DIP2C: variants seen among roughly 807,000 people sequenced by gnomAD.
The protein encoded by DIP2C is disco-interacting protein 2 homolog C.
A neutral mutation model predicts 192.4 loss-of-function variants in DIP2C; 33 were observed. The observed-to-expected ratio is 0.17, with a 90% CI of 0.13 to 0.23. DIP2C has a LOEUF of 0.23. Among genes scored for constraint, DIP2C ranks in the 10% least tolerant of loss-of-function variants. The pLI is 1.00. For missense variants in DIP2C, 1,537 were observed against 2,110.1 expected (o/e 0.73, Z 5.32); for synonymous variants, 979 against 864.1 (o/e 1.13, Z -2.33).
At chr10:395,700 C>T (rs1963934059) in intron 10 of DIP2C, among the ~76,000 whole-genome samples, 2 of 152,216 alleles carry the variant, frequency 1.3e-5, no homozygotes, top group Non-Finnish European at 2.9e-5. Flanking sequence ...ACAGGAATGT[C>T]AGCCCTTTCT....
intron 1 of DIP2C, among the ~76,000 whole-genome samples, chr10:604,193 T>A (rs906026114): frequency 9.9e-5 from 15 of 152,088 alleles, no homozygotes; most frequent in African/African-American, 3.6e-4. Flanking sequence ...CGCAGTCACA[T>A]CTCCAAAGCC....
chr10:546,072 A>C (rs985964903), intron 1 of DIP2C, among the ~76,000 whole-genome samples: 2 of 152,140 alleles, frequency 1.3e-5, no homozygotes, highest in Non-Finnish European at 2.9e-5. Context: ...ACTTGAAGTC[A>C]GGAGTTCCAG....
chr10:619,311 G>A (rs11253284), intron 1 of DIP2C, among the ~76,000 whole-genome samples: 6,991 of 152,258 alleles, frequency 0.046, 207 homozygotes, highest in East Asian at 0.13. Context: ...CTGGAAACTG[G>A]AATCCAAAAC....
chr10:423,022 C>T lies in DIP2C; in HGVS notation c.406G>A (p.Gly136Ser), dbSNP rs1436069863. 1.2e-6 allele frequency: 2 copies of T among 1,609,284 alleles called. No homozygotes were observed. Among genetic ancestry groups the T allele is most frequent in the Non-Finnish European group, 1.7e-6 (2 of 1,176,876 alleles). ...TGCACTGAGCCTTCATCTTCTGAGC[C>T]AGAAGAGGTATCTGTGTAAGAAGAA... ...DAYTPPDTSS[G>S]SEDEGSVQGD... Residue 136 changes from glycine to serine, a missense_variant, in exon 5 of 37, where the codon GGC becomes AGC. Gly to Ser is a moderately conservative substitution (Grantham distance 56, BLOSUM62 0). Around this residue, in one of 4 missense-constraint regions of DIP2C, gnomAD observed 473 missense variants for 539.6 expected, o/e 0.88. Coordinates refer to ENST00000280886, the MANE Select transcript of DIP2C (RefSeq NM_014974.3).
chr10:651,162 C>A lies in DIP2C; in HGVS notation c.85+38332G>T, dbSNP rs1035483894. The A allele has an allele frequency of 4.2e-5, 30 of 717,398 alleles. No individual in the cohort carries two copies. Among genetic ancestry groups the A allele is most frequent in the Non-Finnish European group, 6.5e-5 (25 of 385,118 alleles). The allele number at this position is 717,398 out of a possible 1,614,324, so 44.4% of individuals were successfully genotyped here. ...CTGGGGGCCTCAGGGGCACCTCCACCTGCCCAGGTCTGGGACCACCGTCCT... is the reference window on the plus strand; with the variant it reads ...CTGGGGGCCTCAGGGGCACCTCCACATGCCCAGGTCTGGGACCACCGTCCT... On this transcript the variant is annotated intron_variant, in intron 1 of 36. Coordinates refer to ENST00000280886, the MANE Select transcript of DIP2C (RefSeq NM_014974.3). The surrounding 1 kb of genome is among the most constrained non-coding windows in gnomAD (Gnocchi z 4.1).
intron 10 of DIP2C, among the ~76,000 whole-genome samples, chr10:396,119 G>A (rs1026246736): frequency 3.9e-5 from 6 of 152,198 alleles, no homozygotes; most frequent in Admixed American, 6.5e-5. Context: ...TCCCAGCCAC[G>A]TGGCCTTGGA....
At chr10:498,590 G>T (rs1845017589) in intron 1 of DIP2C, among the ~76,000 whole-genome samples, 1 of 152,134 alleles carries the variant, frequency 6.6e-6, no homozygotes, top group African/African-American at 2.4e-5. Context: ...CTCTGTCAAG[G>T]GATGACTGAC....
At chr10:570,361 C>CA (rs1849709731) in intron 1 of DIP2C, among the ~76,000 whole-genome samples, 1 of 152,218 alleles carries the variant, frequency 6.6e-6, no homozygotes, top group Non-Finnish European at 1.5e-5. Flanking sequence ...GCAAGCCCCA[C>CA]AAAGGCCTGG....
chr10:673,562 G>T (rs10795295), intron 1 of DIP2C, among the ~76,000 whole-genome samples: 148,569 of 152,322 alleles, frequency 0.98, 72,532 homozygotes, highest in Non-Finnish European at 1. Context: ...GCCGTGTGCT[G>T]CTTCTCCCTG....
chr10:668,048 AACAT>A (rs1857212403), intron 1 of DIP2C: 1 of 152,344 alleles, frequency 6.6e-6, no homozygotes, highest in African/African-American at 2.4e-5. Flanking sequence ...CTCACAACAC[AACAT>A]ACACATACAA....
At position 689,658 on chromosome 10, in the gene DIP2C, A is replaced by T; in HGVS notation, c.-80T>A. 1.0e-6 allele frequency: 1 copy of T among 968,874 alleles called. No homozygotes were observed. The allele number at this position is 968,874 out of a possible 1,614,324, so 60.0% of individuals were successfully genotyped here. On this transcript the variant is annotated 5_prime_UTR_variant, in exon 1 of 37. Transcript: ENST00000280886. This position sits in a 1 kb window ranked among gnomAD's most constrained non-coding sequence, Gnocchi z 6.1. ...TCGGCGGCTCCTCGCGCCCGGCGGA[A>T]CCGCACCGAGGAGGAGGCGGCGGCG...
intron 1 of DIP2C, among the ~76,000 whole-genome samples, chr10:661,114 C>T (rs960064197): frequency 2.0e-5 from 3 of 152,240 alleles, no homozygotes; most frequent in African/African-American, 4.8e-5. Context: ...CCTGAGTCAA[C>T]ACGCACAGTG....
chr10:609,369 C>A (rs903481369), intron 1 of DIP2C, among the ~76,000 whole-genome samples: 9 of 152,186 alleles, frequency 5.9e-5, no homozygotes, highest in Non-Finnish European at 1.3e-4. Flanking sequence ...AAAATAAAAG[C>A]ATCAAATAGA....
intron 26 of DIP2C, among the ~76,000 whole-genome samples, chr10:347,517 A>C (rs1958550793): frequency 9.0e-6 from 1 of 111,656 alleles, no homozygotes. Context: ...TTCTCCCGGA[A>C]ACCCCACACG....
At chr10:435,163 C>A (rs558994508) in intron 4 of DIP2C, among the ~76,000 whole-genome samples, 1 of 152,196 alleles carries the variant, frequency 6.6e-6, no homozygotes, top group East Asian at 1.9e-4. Flanking sequence ...ATACTCTGTT[C>A]TTTTTTGCTT....
chr10:404,317 T>C (rs1162529623), intron 9 of DIP2C, among the ~76,000 whole-genome samples: 1 of 152,020 alleles, frequency 6.6e-6, no homozygotes, highest in Non-Finnish European at 1.5e-5. Flanking sequence ...CAAGCGATTC[T>C]CTTGCCTCAG....
At chr10:495,474 T>C (rs888836897) in intron 1 of DIP2C, among the ~76,000 whole-genome samples, 1 of 152,076 alleles carries the variant, frequency 6.6e-6, no homozygotes, top group African/African-American at 2.4e-5. Context: ...GAAAAAAACC[T>C]GAAATCCTTC....
intron 23 of DIP2C, among the ~76,000 whole-genome samples, chr10:357,202 G>A (rs77641157): frequency 1.3e-5 from 2 of 152,338 alleles, no homozygotes; most frequent in Non-Finnish European, 1.5e-5. Context: ...AAGGCCGAAC[G>A]GTTCTAATGG....
At chr10:303,097 G>A (rs111450682) in intron 32 of DIP2C, among the ~76,000 whole-genome samples, 94 of 152,272 alleles carry the variant, frequency 6.2e-4, no homozygotes, top group African/African-American at 2.1e-3. Flanking sequence ...AGACATCACC[G>A]CACGCGGCTG....
Sources: allele counts gnomAD v4.1 joint callset (sites outside exome capture counted in the v4.1 genomes callset), GRCh38; gene constraint gnomAD v4.1.1; regional missense constraint gnomAD v4.1.1; non-coding constraint Gnocchi (gnomAD v3.1); transcripts MANE v1.5; gene names NCBI Gene and HGNC (gene_info 2026-07-23, HGNC 2026-07-21).